Variants in SPMIP2 observed in about 807,000 individuals in gnomAD.
The protein encoded by SPMIP2 is sperm microtubule inner protein 2.
chr4:158,900,899 C>T, the SPMIP2 span, among the ~76,000 whole-genome samples: 1 of 151,970 alleles, frequency 6.6e-6, no homozygotes, highest in Non-Finnish European at 1.5e-5. Flanking sequence ...GGTTTTTTTG[C>T]CCGTTAGTTG....
the SPMIP2 span, among the ~76,000 whole-genome samples, chr4:158,895,440 T>TA: frequency 6.6e-6 from 1 of 152,238 alleles, no homozygotes; most frequent in East Asian, 1.9e-4. Context: ...AAAGGATTAT[T>TA]ATAAAGTTTT....
chr4:158,971,241 A>C, the SPMIP2 span, among the ~76,000 whole-genome samples: 1 of 152,176 alleles, frequency 6.6e-6, no homozygotes, highest in Non-Finnish European at 1.5e-5. Flanking sequence ...AAGGAGAAAC[A>C]CCAAGACAAC....
chr4:159,029,383 G>T, the SPMIP2 span, among the ~76,000 whole-genome samples: 1 of 152,132 alleles, frequency 6.6e-6, no homozygotes, highest in East Asian at 1.9e-4. Flanking sequence ...ACATAAAGGT[G>T]CTCACTTTGT....
chr4:159,021,532 T>C, the SPMIP2 span, among the ~76,000 whole-genome samples: 1 of 152,254 alleles, frequency 6.6e-6, no homozygotes, highest in Non-Finnish European at 1.5e-5. Context: ...AATAACTTTG[T>C]ACTTTATGGT....
At chr4:159,017,693 C>T in the SPMIP2 span, among the ~76,000 whole-genome samples, 1 of 152,070 alleles carries the variant, frequency 6.6e-6, no homozygotes, top group African/African-American at 2.4e-5. Flanking sequence ...CTGGAGTTGC[C>T]CAAATAGGCC....
the SPMIP2 span, among the ~76,000 whole-genome samples, chr4:158,998,915 T>TTTGGAAGGCCAAGACAGGACTAC: frequency 1.3e-5 from 2 of 152,084 alleles, no homozygotes; most frequent in Non-Finnish European, 1.5e-5. Context: ...TCATGACTAC[T>TTTGGAAGGCCAAGACAGGACTAC]TTGGAAGGCC....
At chr4:158,987,254 G>C in the SPMIP2 span, among the ~76,000 whole-genome samples, 33 of 151,810 alleles carry the variant, frequency 2.2e-4, no homozygotes, top group African/African-American at 5.1e-4. Context: ...ACTAGAAATA[G>C]CATTTGACCC....
At chr4:158,988,684 A>G in the SPMIP2 span, among the ~76,000 whole-genome samples, 1 of 152,200 alleles carries the variant, frequency 6.6e-6, no homozygotes, top group African/African-American at 2.4e-5. Flanking sequence ...AACAAAATTC[A>G]ACAGCCCTTT....
the SPMIP2 span, among the ~76,000 whole-genome samples, chr4:159,044,929 T>A: frequency 9.0e-4 from 137 of 152,134 alleles, no homozygotes; most frequent in Non-Finnish European, 1.6e-3. Context: ...CCATCTCTAC[T>A]AGAAATACAA....
chr4:159,051,308 G>C, the SPMIP2 span, among the ~76,000 whole-genome samples: 6 of 152,056 alleles, frequency 3.9e-5, no homozygotes, highest in Admixed American at 3.9e-4. Context: ...TTTATTGCTT[G>C]AAACTGCTTA....
chr4:159,050,632 A>C, the SPMIP2 span, among the ~76,000 whole-genome samples: 39 of 151,956 alleles, frequency 2.6e-4, no homozygotes, highest in Admixed American at 2.5e-3. Flanking sequence ...GCTAAACCCC[A>C]TCTCTACAAA....
At chr4:158,921,851 A>C in the SPMIP2 span, among the ~76,000 whole-genome samples, 1 of 150,398 alleles carries the variant, frequency 6.6e-6, no homozygotes, top group African/African-American at 2.4e-5. Context: ...CTTCTACTAC[A>C]GTGATAAACC....
the SPMIP2 span, among the ~76,000 whole-genome samples, chr4:159,043,623 G>A: frequency 2.6e-5 from 4 of 152,224 alleles, no homozygotes; most frequent in East Asian, 5.8e-4. Context: ...CTGGGATTAC[G>A]GGCGTGAGCC....
the SPMIP2 span, among the ~76,000 whole-genome samples, chr4:159,059,962 A>G: frequency 2.0e-5 from 3 of 152,180 alleles, no homozygotes; most frequent in Non-Finnish European, 4.4e-5. Flanking sequence ...ATGGGGAGGC[A>G]TATGCAGCTC....
At chr4:158,998,145 A>G in the SPMIP2 span, among the ~76,000 whole-genome samples, 1 of 152,228 alleles carries the variant, frequency 6.6e-6, no homozygotes, top group African/African-American at 2.4e-5. Flanking sequence ...ATTTATGGGC[A>G]CTGAAATTAG....
chr4:159,026,192 A>G, the SPMIP2 span: 1 of 460,768 alleles, frequency 2.2e-6, no homozygotes, highest in African/African-American at 2.0e-5. Flanking sequence ...TACGTGAAGG[A>G]ACTAGGAGTG....
the SPMIP2 span, among the ~76,000 whole-genome samples, chr4:158,973,595 G>T: frequency 1.3e-5 from 2 of 152,182 alleles, no homozygotes; most frequent in Admixed American, 6.5e-5. Context: ...TTGGTTACTT[G>T]TCCAGAATTA....
At chr4:158,893,596 G>T in the SPMIP2 span, 1 of 1,003,980 alleles carries the variant, frequency 1.0e-6, no homozygotes, top group East Asian at 2.6e-5. Context: ...CATCTGTCCT[G>T]GGGCAATATG....
At chr4:159,046,684 T>C in the SPMIP2 span, among the ~76,000 whole-genome samples, 2 of 152,200 alleles carry the variant, frequency 1.3e-5, no homozygotes, top group Non-Finnish European at 2.9e-5. Flanking sequence ...GCGATTCTCC[T>C]GCCTCAGCCT....
Sources: allele counts gnomAD v4.1 joint callset (sites outside exome capture counted in the v4.1 genomes callset), GRCh38; gene constraint gnomAD v4.1.1; transcripts MANE v1.5; gene names NCBI Gene and HGNC (gene_info 2026-07-23, HGNC 2026-07-21).